Variants in MORC2 observed in about 807,000 individuals in gnomAD.
MORC2 encodes MORC family CW-type zinc finger 2.
A neutral mutation model predicts 136.0 loss-of-function variants in MORC2; 30 were observed. The observed-to-expected ratio is 0.22, with a 90% CI of 0.17 to 0.30. The LOEUF (loss-of-function observed/expected upper bound fraction) is 0.30, where lower values mean the gene tolerates loss of function less well. MORC2 is among the 10% of genes least tolerant of loss of function. The pLI is 1.00. For missense variants in MORC2, 922 were observed against 1,333.1 expected (o/e 0.69, Z 4.80); for synonymous variants, 439 against 487.0 (o/e 0.90, Z 1.30).
intron 1 of MORC2, chr22:30,967,307 A>T: frequency 1.0e-6 from 1 of 987,482 alleles, no homozygotes; most frequent in Non-Finnish European, 1.2e-6. Context: ...AGCATATACA[A>T]ATAATATTGG....
In MORC2 at chr22:30,966,950, C is replaced by T. The variant is rs193035915; in HGVS notation, c.68+872G>A. On this transcript the variant is annotated intron_variant, in intron 1 of 25. Coordinates refer to ENST00000397641, the MANE Select transcript of MORC2 (RefSeq NM_001303256.3). ...CCATCAAAAGCTAAAAACCATTGTA[C>T]TATTACTACATAATGGAAGTCTATA... is the stretch of plus-strand genomic sequence containing the variant. 2.4e-5 allele frequency: 6 copies of T among 249,310 alleles called. No individual in the cohort carries two copies. In the East Asian group the frequency reaches 1.1e-3, roughly 44 times the overall value. 15.4% of individuals were successfully genotyped at this position (249,310 alleles called of 1,614,324 possible).
chr22:30,954,219 C>T (rs1257560049), intron 3 of MORC2, among the ~76,000 whole-genome samples: 2 of 151,840 alleles, frequency 1.3e-5, no homozygotes, highest in South Asian at 2.1e-4. Flanking sequence ...CACTTGAGCC[C>T]GAGAGGTGGA....
intron 9 of MORC2, 52 bp from the exon 10 acceptor site, chr22:30,940,889 GCA>G (rs1341545944): frequency 6.9e-7 from 1 of 1,441,072 alleles, no homozygotes; most frequent in Admixed American, 1.7e-5. Flanking sequence ...GGGGCAGGTG[GCA>G]CACCCAAGCA....
intron 18 of MORC2, 30 bp from the exon 19 acceptor site, chr22:30,935,191 A>G (rs368370557): frequency 1.9e-6 from 3 of 1,612,496 alleles, no homozygotes; most frequent in South Asian, 1.1e-5. Flanking sequence ...GAGTGAGAAC[A>G]CTGATCCTAG....
intron 1 of MORC2, chr22:30,967,419 G>C (rs1029139526): frequency 1.0e-6 from 1 of 988,592 alleles, no homozygotes; most frequent in African/African-American, 1.7e-5. Flanking sequence ...TTGTTAGAAA[G>C]TAAACACTTG....
intron 1 of MORC2, 193 bp downstream of exon 1, chr22:30,967,629 C>G: frequency 7.3e-7 from 1 of 1,374,322 alleles, no homozygotes; most frequent in East Asian, 2.8e-5. Flanking sequence ...AAATCAGATT[C>G]TTCTGGATTA....
chr22:30,932,828 G>C lies in MORC2; in HGVS notation c.2523-59C>G. The C allele has an allele frequency of 6.2e-7, 1 of 1,613,166 alleles. No individual in the cohort carries two copies. Among genetic ancestry groups the C allele is most frequent in the Non-Finnish European group, 8.5e-7 (1 of 1,179,272 alleles). Reference sequence around the variant, plus strand: ...CCCGGGCTCCCAGGATGGGCTGCTGGCAGGGAGGCCGGGGATACCTCCTTC... The same window carrying C: ...CCCGGGCTCCCAGGATGGGCTGCTGCCAGGGAGGCCGGGGATACCTCCTTC... On this transcript the variant is annotated intron_variant, in intron 22 of 25. Transcript: ENST00000397641. The surrounding 1 kb of genome is among the most constrained non-coding windows in gnomAD (Gnocchi z 4.4).
chr22:30,933,923 G>T, intron 20 of MORC2, 137 bp downstream of exon 20: 1 of 1,032,074 alleles, frequency 9.7e-7, no homozygotes. Context: ...CAGACTGCTG[G>T]TGGGGGGGGT....
At chr22:30,961,107 T>A (rs901756437) in intron 1 of MORC2, among the ~76,000 whole-genome samples, 6 of 151,712 alleles carry the variant, frequency 4.0e-5, no homozygotes, top group African/African-American at 1.5e-4. Context: ...TGACCTCAGG[T>A]GATCCAGCCG....
At chr22:30,955,801 G>C (rs748802977) in intron 3 of MORC2, among the ~76,000 whole-genome samples, 2 of 151,938 alleles carry the variant, frequency 1.3e-5, no homozygotes, top group African/African-American at 2.4e-5. Context: ...CTGAGGTCAT[G>C]AGTTTGAGAC....
In MORC2 at chr22:30,926,550, CAAAAA is replaced by C. The variant is rs60514280; in HGVS notation, c.*248_*252del. Reference sequence around the variant, plus strand: ...AAGGTTCTCTGTCCTTTGCAGTCACCAAAAAAAAAAAAAAAAAAAAAAAAAAAAAA... The same window carrying C: ...AAGGTTCTCTGTCCTTTGCAGTCACCAAAAAAAAAAAAAAAAAAAAAAAAA... On this transcript the variant is annotated 3_prime_UTR_variant, in exon 26 of 26. Transcript: ENST00000397641. The C allele has an allele frequency of 5.5e-3, 140 of 25,602 alleles. No homozygotes were observed. Among genetic ancestry groups the C allele is most frequent in the African/African-American group, 0.014 (73 of 5,256 alleles). The allele number at this position is 25,602 out of a possible 1,614,324, so 1.6% of individuals were successfully genotyped here. A position where few individuals can be genotyped will look rare whatever the true frequency, so the allele number is the denominator to read the frequency against.
At position 30,940,755 on chromosome 22, in the gene MORC2, T is replaced by C; in HGVS notation, c.904+3A>G. 1 of 1,613,844 alleles carries C rather than the reference T, an allele frequency of 6.2e-7. No homozygotes were observed. Among genetic ancestry groups the C allele is most frequent in the African/African-American group, 1.3e-5 (1 of 75,014 alleles). On this transcript the variant is annotated splice_donor_region_variant and intron_variant, in intron 10 of 25. Coordinates refer to ENST00000397641, the MANE Select transcript of MORC2 (RefSeq NM_001303256.3). ...CCAACTCCTGCACCCAGAGTGGCATTACCAATCCTTGCTACGTGCTCTGCT... is the reference window on the plus strand; with the variant it reads ...CCAACTCCTGCACCCAGAGTGGCATCACCAATCCTTGCTACGTGCTCTGCT...
At chr22:30,928,429 G>A (rs555066602) in intron 24 of MORC2, among the ~76,000 whole-genome samples, 4 of 152,294 alleles carry the variant, frequency 2.6e-5, no homozygotes, top group South Asian at 2.1e-4. Flanking sequence ...TAGCACACAG[G>A]TGAAGCACTC....
intron 4 of MORC2, among the ~76,000 whole-genome samples, chr22:30,950,172 T>G (rs1275936119): frequency 6.6e-6 from 1 of 152,138 alleles, no homozygotes. Context: ...GCCTTTCAGA[T>G]CCTATCTCCC....
In MORC2 at chr22:30,967,956, T is replaced by A; in HGVS notation, c.-67A>T. On this transcript the variant is annotated 5_prime_UTR_variant, in exon 1 of 26. Transcript: ENST00000397641. The stretch of plus-strand genomic sequence containing the variant: ...AATATAACCTTATAATGATATCGAT[T>A]TCCCAGGATTCTGTCCAGTAAAGCT... The A allele has an allele frequency of 7.5e-7, 1 of 1,330,346 alleles. No individual in the cohort carries two copies. The highest frequency in any genetic ancestry group is 1.1e-6 in the Non-Finnish European group (1 of 946,838). The allele number at this position is 1,330,346 out of a possible 1,614,324, so 82.4% of individuals were successfully genotyped here. A position where few individuals can be genotyped will look rare whatever the true frequency, so the allele number is the denominator to read the frequency against.
In MORC2 at chr22:30,937,541, G is replaced by A; in HGVS notation, c.1498+42C>T. The A allele has an allele frequency of 1.2e-6, 2 of 1,601,134 alleles. No individual in the cohort carries two copies. Among genetic ancestry groups the A allele is most frequent in the Non-Finnish European group, 1.7e-6 (2 of 1,174,762 alleles). On this transcript the variant is annotated intron_variant, in intron 15 of 25. Coordinates refer to ENST00000397641, the MANE Select transcript of MORC2 (RefSeq NM_001303256.3). The surrounding 1 kb of genome is among the most constrained non-coding windows in gnomAD (Gnocchi z 4.7). ...GAAGATAGAGAAAAGAGGCTTGTGG[G>A]CTGATGGAAATGAGTCGGGGGGGTC...
At chr22:30,960,870 GT>G (rs1555945035) in intron 1 of MORC2, among the ~76,000 whole-genome samples, 1 of 140,362 alleles carries the variant, frequency 7.1e-6, no homozygotes, top group African/African-American at 2.6e-5. Context: ...TTGTTATTTT[GT>G]TTTTTTGTTT....
intron 4 of MORC2, among the ~76,000 whole-genome samples, chr22:30,950,170 G>T (rs551277579): frequency 7.2e-5 from 11 of 152,312 alleles, no homozygotes; most frequent in African/African-American, 2.6e-4. Context: ...TTGCCTTTCA[G>T]ATCCTATCTC....
chr22:30,931,796 C>G (rs1201967649), intron 24 of MORC2, among the ~76,000 whole-genome samples: 2 of 152,262 alleles, frequency 1.3e-5, no homozygotes, highest in African/African-American at 2.4e-5. Context: ...CCGGTAACAA[C>G]TCAGTCTCTA....
Sources: allele counts gnomAD v4.1 joint callset (sites outside exome capture counted in the v4.1 genomes callset), GRCh38; gene constraint gnomAD v4.1.1; non-coding constraint Gnocchi (gnomAD v3.1); transcripts MANE v1.5; gene names NCBI Gene and HGNC (gene_info 2026-07-23, HGNC 2026-07-21).